The following ZNF568 variants were observed in gnomAD, a reference collection of about 807,000 sequenced individuals.
ZNF568 encodes zinc finger protein 568.
ZNF568 carries 11 observed loss-of-function variants against 18.1 expected under a neutral mutation model. That is an observed-to-expected ratio of 0.61 (90% CI 0.38 to 1.00). ZNF568 has a LOEUF of 1.00. Ranked by LOEUF, ZNF568 falls within the 50% of genes least tolerant of loss-of-function variation. ZNF568 has a pLI of 0.01. For synonymous variants in ZNF568, 213 were observed against 246.6 expected (o/e 0.86, Z 1.28); for missense variants, 639 against 768.2 (o/e 0.83, Z 1.99).
At chr19:36,927,903 ATTTTTTTTTTT>A (rs71177414) in intron 4 of ZNF568, among the ~76,000 whole-genome samples, 1 of 26,604 alleles carries the variant, frequency 3.8e-5, no homozygotes, top group African/African-American at 2.5e-4. Flanking sequence ...ATATATATAT[ATTTTTTTTTTT>A]TTTTTTTTTT....
rs1242658987 is a variant in ZNF568 at position 36,916,774 on chromosome 19, CGTGGCGAA to C, written c.-256+187_-256+194del. On this transcript the variant is annotated intron_variant, in intron 1 of 6. Transcript: ENST00000333987. This position sits in a 1 kb window ranked among gnomAD's most constrained non-coding sequence, Gnocchi z 5.3. ...TGATTAAGGCTGTAGCGAGTGTGAA[CGTGGCGAA>C]GTGTGCGTGATTGTAATATGTCTAG... Among the ~76,000 whole-genome samples, 1 of 152,046 alleles carries C rather than the reference CGTGGCGAA, an allele frequency of 6.6e-6. No homozygotes were observed. The highest frequency in any genetic ancestry group is 1.9e-4 in the East Asian group (1 of 5,184).
At chr19:36,990,592 G>A (rs2074415259) in intron 2 of ZNF568, among the ~76,000 whole-genome samples, 1 of 152,176 alleles carries the variant, frequency 6.6e-6, no homozygotes, top group African/African-American at 2.4e-5. Flanking sequence ...TCCAGCCTGG[G>A]CACCCAAGTG....
intron 4 of ZNF568, among the ~76,000 whole-genome samples, chr19:36,925,631 C>T (rs1238470425): frequency 1.3e-5 from 2 of 151,992 alleles, no homozygotes; most frequent in African/African-American, 2.4e-5. Flanking sequence ...ACTTCTGTAT[C>T]TGTAGATTCT....
At chr19:36,934,384 G>A (rs1468822096) in intron 4 of ZNF568, among the ~76,000 whole-genome samples, 1 of 149,706 alleles carries the variant, frequency 6.7e-6, no homozygotes, top group Non-Finnish European at 1.5e-5. Context: ...TCATGGCTCA[G>A]TGCAGCCTTG....
At position 36,975,681 on chromosome 19, in the gene ZNF568, C is replaced by CTTTTTTTTTTT. The variant is rs1193440344; in HGVS notation, c.405+1226_405+1236dup. On this transcript the variant is annotated intron_variant, in intron 7 of 7. Coordinates refer to the ZNF568 transcript ENST00000427117. ...GCAGGCGTGAGCCACCGCGCCAAGA[C>CTTTTTTTTTTT]TTTTTTTTTTTTTTTTTTTTTGAGA... 7.4e-3 allele frequency among the ~76,000 whole-genome samples: 557 copies of CTTTTTTTTTTT among 75,764 alleles called. 79 individuals carry two copies. The highest frequency in any genetic ancestry group is 9.5e-3 in the East Asian group (28 of 2,952). 49.7% of individuals were successfully genotyped at this position (75,764 alleles called of 152,430 possible).
intron 2 of ZNF568, among the ~76,000 whole-genome samples, chr19:36,988,205 C>G (rs1194753492): frequency 3.9e-5 from 6 of 152,102 alleles, no homozygotes; most frequent in Non-Finnish European, 8.8e-5. Context: ...CCTCCCACCT[C>G]CACCTCCCAA....
rs544321232 is a variant in ZNF568, at chr19:36,940,419, T to C, written c.358+3177T>C. ...CCAGAGTGGTTGGAATCTGAAAACATATACTATCTTCTACATGTTTTCATA... is the reference window on the plus strand; with the variant it reads ...CCAGAGTGGTTGGAATCTGAAAACACATACTATCTTCTACATGTTTTCATA... On this transcript the variant is annotated intron_variant, in intron 6 of 6. Coordinates refer to ENST00000333987, the MANE Select transcript of ZNF568 (RefSeq NM_198539.4). Among the ~76,000 whole-genome samples the C allele has an allele frequency of 4.3e-4, 66 of 152,360 alleles. 2 individuals carry two copies. The South Asian group carries it at 0.013, about 30-fold the overall frequency.
intron 4 of ZNF568, among the ~76,000 whole-genome samples, chr19:36,929,481 C>G (rs965876014): frequency 6.6e-6 from 1 of 151,922 alleles, no homozygotes; most frequent in East Asian, 1.9e-4. Context: ...GTCAGAAGAT[C>G]GAGAGCATTC....
chr19:36,937,813 T>TCC (rs2073815465), intron 6 of ZNF568, among the ~76,000 whole-genome samples: 2 of 152,186 alleles, frequency 1.3e-5, no homozygotes, highest in African/African-American at 4.8e-5. Flanking sequence ...ATTCCTGCCT[T>TCC]CCATTCCTTT....
At chr19:36,974,406 C>T (rs757319850) in intron 6 of ZNF568, 7 of 1,535,898 alleles carry the variant, frequency 4.6e-6, no homozygotes, top group Admixed American at 2.0e-5. Flanking sequence ...CGTTTTTCCA[C>T]ATCTTTCTTT....
At chr19:36,980,174 C>T (rs2146340185), downstream of ZNF568, 1 of 152,182 alleles carries the variant, frequency 6.6e-6, no homozygotes, top group South Asian at 2.1e-4. Context: ...TGCTTTCTTA[C>T]TTTAACCTTT....
chr19:36,924,551 C>T (rs772512604), intron 3 of ZNF568, among the ~76,000 whole-genome samples: 5 of 1,052 alleles, frequency 4.8e-3, no homozygotes, highest in Non-Finnish European at 9.5e-3. Context: ...ACATTTTAGG[C>T]CAGGCGCGGC....
downstream of ZNF568, chr19:36,997,655 C>T (rs2074491602): frequency 1.5e-6 from 2 of 1,352,242 alleles, no homozygotes; most frequent in Non-Finnish European, 2.0e-6. Flanking sequence ...TGTGGAAAGG[C>T]CTTCATTCGG....
chr19:36,952,816 A>G (rs2074078523), downstream of ZNF568: 1 of 349,652 alleles, frequency 2.9e-6, no homozygotes. Context: ...CATAGAAGGA[A>G]ATGTTATAAT....
intron 4 of ZNF568, among the ~76,000 whole-genome samples, chr19:36,927,801 A>G (rs968731322): frequency 2.9e-5 from 4 of 139,464 alleles, no homozygotes; most frequent in African/African-American, 1.1e-4. Context: ...CAAAAAATAC[A>G]TATATATAAA....
chr19:36,950,183 A>C lies in ZNF568; in HGVS notation c.1030A>C (p.Ser344Arg), dbSNP rs141682863. 1 of 1,613,668 alleles carries C rather than the reference A, an allele frequency of 6.2e-7. No individual in the cohort carries two copies. Among genetic ancestry groups the C allele is most frequent in the East Asian group, 2.2e-5 (1 of 44,852 alleles). Residue 344 changes from serine (S) to arginine (R), a missense_variant, in exon 7 of 7, where the codon AGC (serine) becomes CGC (arginine). Coordinates refer to ENST00000333987, the MANE Select transcript of ZNF568 (RefSeq NM_198539.4). Reference sequence around the variant, plus strand: ...ATGTAAGGAATGTGGGAAATCCTTCAGCCAGAAGCAAAATCTTATTGAGCA... The same window carrying C: ...ATGTAAGGAATGTGGGAAATCCTTCCGCCAGAAGCAAAATCTTATTGAGCA... ...YECKECGKSF[S>R]QKQNLIEHEK...
chr19:36,975,124 G>A (rs1270475651), intron 7 of ZNF568, among the ~76,000 whole-genome samples: 1 of 149,010 alleles, frequency 6.7e-6, no homozygotes, highest in Non-Finnish European at 1.5e-5. Context: ...ATCTTGCACG[G>A]CCCGCTTATC....
chr19:36,966,040 C>T (rs927452514), intron 6 of ZNF568, among the ~76,000 whole-genome samples: 6 of 150,838 alleles, frequency 4.0e-5, no homozygotes, highest in East Asian at 2.0e-4. Context: ...AATCAGGCCA[C>T]GTGTGGTGGG....
chr19:36,971,606 G>GC (rs1555737538), intron 6 of ZNF568, among the ~76,000 whole-genome samples: 3 of 151,750 alleles, frequency 2.0e-5, no homozygotes, highest in African/African-American at 7.3e-5. Flanking sequence ...TTATAACTTT[G>GC]TTTTTTTTCT....
Sources: gnomAD v4.1 joint callset for allele counts (sites outside exome capture counted in the v4.1 genomes callset) on GRCh38, gnomAD v4.1.1 for gene constraint, Gnocchi (gnomAD v3.1) non-coding constraint, MANE v1.5 for transcripts, NCBI Gene and HGNC (gene_info 2026-07-23, HGNC 2026-07-21) for gene names.